Variants in NPFFR1 observed in about 807,000 individuals in gnomAD.
NPFFR1 encodes G-protein coupled receptor 147.
NPFFR1 carries 17 observed loss-of-function variants against 12.7 expected under a neutral mutation model. The ratio of observed to expected loss-of-function variants is 1.34; its 90% CI spans 0.92 to 2.01. The LOEUF is 2.01. Ranked by LOEUF, NPFFR1 falls within the 30% of genes most tolerant of loss-of-function variation. The pLI is 0.00. For synonymous variants in NPFFR1, 296 were observed against 264.5 expected (o/e 1.12, Z -1.16); for missense variants, 604 against 606.5 (o/e 1.00, Z 0.04).
intron 1 of NPFFR1, among the ~76,000 whole-genome samples, chr10:70,278,726 A>G (rs1384710171): frequency 6.6e-6 from 1 of 152,094 alleles, no homozygotes. Context: ...CGTATTCATC[A>G]TTTTTCCTCT....
intron 1 of NPFFR1, among the ~76,000 whole-genome samples, chr10:70,283,329 A>ATGTCTC (rs1404247509): frequency 6.8e-6 from 1 of 146,768 alleles, no homozygotes; most frequent in Non-Finnish European, 1.5e-5. Flanking sequence ...GTCTGTCTCT[A>ATGTCTC]TGTCTCTGTC....
intron 1 of NPFFR1, 129 bp downstream of exon 1, chr10:70,283,541 G>C (rs991032353): frequency 2.5e-5 from 23 of 929,222 alleles, no homozygotes; most frequent in African/African-American, 1.3e-4. Context: ...GTCACACACA[G>C]AGTGTCACAA....
chr10:70,262,787 A>G (rs914217945), intron 2 of NPFFR1, among the ~76,000 whole-genome samples: 1 of 152,186 alleles, frequency 6.6e-6, no homozygotes, highest in Non-Finnish European at 1.5e-5. Flanking sequence ...TAGTATACGT[A>G]TATTTCCTAG....
rs549237248 is a variant in NPFFR1, at chr10:70,266,376, G to T, written c.23C>A (p.Pro8His). ...ACTTAGGGGCCAACTGCTGTTGGGA[G>T]GCTGGGAGGGCTCCCCTAGGACCAA... MEGEPSQ[P>H]PNSSWPLSQN... is the part of the protein sequence containing the mutation. The change falls in exon 2 of 4, where the codon CCT (proline) becomes CAT (histidine). Residue 8 changes from proline to histidine, a missense_variant. Pro to His is a moderately conservative substitution (Grantham distance 77, BLOSUM62 -2). Transcript: ENST00000277942. 2 of 1,612,790 alleles carry T rather than the reference G, an allele frequency of 1.2e-6. No homozygotes were observed. Among genetic ancestry groups the T allele is most frequent in the African/African-American group, 2.7e-5 (2 of 75,028 alleles).
intron 1 of NPFFR1, among the ~76,000 whole-genome samples, chr10:70,271,134 T>C (rs1225597994): frequency 6.6e-6 from 1 of 152,122 alleles, no homozygotes; most frequent in African/African-American, 2.4e-5. Context: ...TAAAGACACC[T>C]CGAGTGGATA....
At chr10:70,271,168 C>A (rs950642321) in intron 1 of NPFFR1, among the ~76,000 whole-genome samples, 7 of 152,140 alleles carry the variant, frequency 4.6e-5, no homozygotes, top group East Asian at 1.9e-4. Context: ...AAGTCCCAGC[C>A]CTTCTTCCTG....
intron 1 of NPFFR1, among the ~76,000 whole-genome samples, chr10:70,276,063 CA>C (rs1840801338): frequency 6.6e-6 from 1 of 152,122 alleles, no homozygotes; most frequent in African/African-American, 2.4e-5. Context: ...ATCATCAGGT[CA>C]CATATAAAGA....
Position 70,255,838 on chromosome 10 carries a change from G to T in NPFFR1, c.423-11C>A. ...ACGATGCAGCGGAACCTGCCGCGGGGAGAGAGACAGGCGGGATCTGGGTGG... is the reference window on the plus strand; with the variant it reads ...ACGATGCAGCGGAACCTGCCGCGGGTAGAGAGACAGGCGGGATCTGGGTGG... On this transcript the variant is annotated splice_polypyrimidine_tract_variant and intron_variant, in intron 3 of 3. Transcript: ENST00000277942. The surrounding 1 kb of genome is among the most constrained non-coding windows in gnomAD (Gnocchi z 4.2). 1 of 1,599,928 alleles carries T rather than the reference G, an allele frequency of 6.3e-7. No individual in the cohort carries two copies. Among genetic ancestry groups the T allele is most frequent in the African/African-American group, 1.3e-5 (1 of 74,822 alleles).
rs1005312868 is a variant in NPFFR1 at position 70,254,309 on chromosome 10, T to C, written c.*648A>G. On this transcript the variant is annotated 3_prime_UTR_variant, in exon 4 of 4. Transcript: ENST00000277942. ...TGAAGCTGCCGTCCTCTGAGGACAA[T>C]GGCTTCTTGGAACTTCTTGGAACAA... The C allele has an allele frequency of 2.0e-5, 3 of 152,188 alleles. No individual in the cohort carries two copies. Among genetic ancestry groups the C allele is most frequent in the African/African-American group, 7.2e-5 (3 of 41,426 alleles). 9.4% of individuals were successfully genotyped at this position (152,188 alleles called of 1,614,324 possible).
intron 1 of NPFFR1, among the ~76,000 whole-genome samples, chr10:70,276,083 G>A (rs117137815): frequency 3.2e-4 from 48 of 152,246 alleles, no homozygotes; most frequent in Non-Finnish European, 6.2e-4. Flanking sequence ...GACCTCTAGG[G>A]TCCATTAGCA....
chr10:70,275,671 G>C (rs1249880338), intron 1 of NPFFR1, among the ~76,000 whole-genome samples: 1 of 151,956 alleles, frequency 6.6e-6, no homozygotes, highest in Non-Finnish European at 1.5e-5. Flanking sequence ...TCATTATCTG[G>C]CACAGGGCCT....
chr10:70,273,448 T>G (rs1335573438), intron 1 of NPFFR1, among the ~76,000 whole-genome samples: 1 of 152,208 alleles, frequency 6.6e-6, no homozygotes, highest in Non-Finnish European at 1.5e-5. Context: ...CAATCAATGG[T>G]TCCTGTCTGG....
chr10:70,277,138 G>T (rs902980756), intron 1 of NPFFR1, among the ~76,000 whole-genome samples: 2 of 152,218 alleles, frequency 1.3e-5, no homozygotes, highest in Non-Finnish European at 1.5e-5. Flanking sequence ...ATGAGAACCA[G>T]GCCTACACCC....
chr10:70,276,584 CTTTTTTTTTT>C, intron 1 of NPFFR1, among the ~76,000 whole-genome samples: 1 of 117,316 alleles, frequency 8.5e-6, no homozygotes, highest in South Asian at 2.8e-4. Context: ...ATGTTTGTAT[CTTTTTTTTTT>C]TTTTTTTTTT....
chr10:70,276,560 GA>G (rs1840806397), intron 1 of NPFFR1, among the ~76,000 whole-genome samples: 1 of 149,242 alleles, frequency 6.7e-6, no homozygotes, highest in South Asian at 2.1e-4. Flanking sequence ...ATGAGAGACC[GA>G]ATTTAATTCT....
At chr10:70,263,796 A>C (rs1357125961) in intron 2 of NPFFR1, among the ~76,000 whole-genome samples, 1 of 151,702 alleles carries the variant, frequency 6.6e-6, no homozygotes, top group Non-Finnish European at 1.5e-5. Flanking sequence ...CAAAACCAAC[A>C]CAAAACAAAA....
intron 1 of NPFFR1, among the ~76,000 whole-genome samples, chr10:70,282,230 C>T (rs1840871527): frequency 6.6e-6 from 1 of 152,118 alleles, no homozygotes; most frequent in South Asian, 2.1e-4. Flanking sequence ...CCTCCTTATC[C>T]TCTTTATTCC....
At chr10:70,271,732 G>C (rs1306610777) in intron 1 of NPFFR1, among the ~76,000 whole-genome samples, 1 of 152,128 alleles carries the variant, frequency 6.6e-6, no homozygotes, top group East Asian at 1.9e-4. Context: ...CACTCTGTGT[G>C]AGGCAGCAGC....
chr10:70,254,455 AT>A lies in NPFFR1; in HGVS notation c.*501del, dbSNP rs1370692390. The A allele has an allele frequency of 6.5e-6, 1 of 153,286 alleles. No individual in the cohort carries two copies. The highest frequency in any genetic ancestry group is 1.5e-5 in the Non-Finnish European group (1 of 68,818). The allele number at this position is 153,286 out of a possible 1,614,324, so 9.5% of individuals were successfully genotyped here. A position where few individuals can be genotyped will look rare whatever the true frequency, so the allele number is the denominator to read the frequency against. On this transcript the variant is annotated 3_prime_UTR_variant, in exon 4 of 4. Transcript: ENST00000277942. ...GGACTCCCTCACATGGACACAAAGC[AT>A]CAAGGGACAGGCCGGCTTTGCTTTT...
Sources: gnomAD v4.1 joint callset for allele counts (sites outside exome capture counted in the v4.1 genomes callset) on GRCh38, gnomAD v4.1.1 for gene constraint, Gnocchi (gnomAD v3.1) non-coding constraint, MANE v1.5 for transcripts, NCBI Gene and HGNC (gene_info 2026-07-23, HGNC 2026-07-21) for gene names.